CTIF: variants seen among roughly 807,000 people sequenced by gnomAD.
CTIF encodes cap binding complex dependent translation initiation factor, also known as CBP80/20-dependent translation initiation factor.
A neutral mutation model predicts 66.0 loss-of-function variants in CTIF; 21 were observed. That is an observed-to-expected ratio of 0.32 (90% CI 0.23 to 0.46). CTIF has a LOEUF of 0.46. Among genes scored for constraint, CTIF ranks in the 20% least tolerant of loss-of-function variants. CTIF has a pLI of 1.00. For synonymous variants in CTIF, 345 were observed against 326.4 expected (o/e 1.06, Z -0.62); for missense variants, 739 against 812.7 (o/e 0.91, Z 1.10).
intron 1 of CTIF, among the ~76,000 whole-genome samples, chr18:48,588,675 T>C (rs1387822674): frequency 6.6e-6 from 1 of 152,022 alleles, no homozygotes; most frequent in Non-Finnish European, 1.5e-5. Flanking sequence ...TCTTCTGAGG[T>C]CTGGCCTCCT....
chr18:48,720,366 T>C (rs1334252853), intron 7 of CTIF, among the ~76,000 whole-genome samples: 3 of 152,160 alleles, frequency 2.0e-5, no homozygotes, highest in Non-Finnish European at 2.9e-5. Context: ...GATGCCACTG[T>C]TGCTGAGGCC....
intron 9 of CTIF, among the ~76,000 whole-genome samples, chr18:48,784,419 G>A (rs1489914011): frequency 1.3e-5 from 2 of 152,232 alleles, no homozygotes; most frequent in African/African-American, 4.8e-5. Context: ...TGCACTGGGG[G>A]CTGAGGTGGG....
intron 10 of CTIF, among the ~76,000 whole-genome samples, chr18:48,836,277 G>A (rs529132638): frequency 6.6e-6 from 1 of 152,238 alleles, no homozygotes; most frequent in African/African-American, 2.4e-5. Flanking sequence ...GCCCCCTCTT[G>A]AGCACAGCCA....
intron 6 of CTIF, among the ~76,000 whole-genome samples, chr18:48,703,573 T>G (rs1371891604): frequency 1.3e-5 from 2 of 152,220 alleles, no homozygotes; most frequent in Non-Finnish European, 2.9e-5. Context: ...ATAGTTAGGC[T>G]TGGATGATTT....
chr18:48,829,554 G>T (rs1353677285), intron 10 of CTIF, among the ~76,000 whole-genome samples: 2 of 152,248 alleles, frequency 1.3e-5, no homozygotes, highest in African/African-American at 4.8e-5. Context: ...CCCGACCTCC[G>T]TGCTTCCCAG....
chr18:48,592,630 G>T (rs1327229072), intron 1 of CTIF, among the ~76,000 whole-genome samples: 8 of 152,232 alleles, frequency 5.3e-5, no homozygotes, highest in Admixed American at 2.0e-4. Flanking sequence ...CAAGTGCAGT[G>T]AGTGGATTAA....
rs549198253 is a variant in CTIF, at chr18:48,834,255, C to T, written c.1527+16879C>T. Among the ~76,000 whole-genome samples the T allele has an allele frequency of 2.0e-5, 3 of 152,292 alleles. No homozygotes were observed. In the East Asian group the frequency reaches 5.8e-4, roughly 29 times the overall value. On this transcript the variant is annotated intron_variant, in intron 10 of 11. Transcript: ENST00000256413. ...CTGTCTTCATAGCGGAAAAAGCAGC[C>T]GTAGACGATATGCAAATGACTGAGA...
chr18:48,774,191 T>C (rs1910445007), intron 9 of CTIF, among the ~76,000 whole-genome samples: 1 of 152,202 alleles, frequency 6.6e-6, no homozygotes, highest in Non-Finnish European at 1.5e-5. Context: ...AAACCCATGG[T>C]GTGCCCAAAG....
chr18:48,767,942 AGT>A (rs1250062595), intron 9 of CTIF, among the ~76,000 whole-genome samples: 52 of 152,296 alleles, frequency 3.4e-4, no homozygotes, highest in African/African-American at 1.3e-3. Context: ...TTTCCTTATC[AGT>A]GAATCTCTCA....
At position 48,636,693 on chromosome 18, in the gene CTIF, A is replaced by AC; in HGVS notation, c.252+10dup. 1 of 1,589,396 alleles carries AC rather than the reference A, an allele frequency of 6.3e-7. No homozygotes were observed. Among genetic ancestry groups the AC allele is most frequent in the Non-Finnish European group, 8.5e-7 (1 of 1,170,176 alleles). ...CGAGCCCCCCCACAGCAGGTAGGGA[A>AC]CCAGCTCTGCGCTCTGTCTGGGGGT... On this transcript the variant is annotated intron_variant, in intron 3 of 11. Coordinates refer to ENST00000256413, the MANE Select transcript of CTIF (RefSeq NM_014772.3).
At chr18:48,587,868 T>A (rs950225731) in intron 1 of CTIF, among the ~76,000 whole-genome samples, 5 of 152,232 alleles carry the variant, frequency 3.3e-5, no homozygotes, top group Non-Finnish European at 7.3e-5. Flanking sequence ...ATTTATGCTG[T>A]TTTACGTGTG....
chr18:48,804,930 C>T (rs959839981), intron 9 of CTIF, among the ~76,000 whole-genome samples: 12 of 152,198 alleles, frequency 7.9e-5, no homozygotes, highest in African/African-American at 2.9e-4. Context: ...GCCTGGGAAT[C>T]CATTATTTTG....
At chr18:48,712,314 G>T (rs1450988489) in intron 7 of CTIF, among the ~76,000 whole-genome samples, 1 of 152,204 alleles carries the variant, frequency 6.6e-6, no homozygotes, top group African/African-American at 2.4e-5. Flanking sequence ...GGGGCAATGA[G>T]GTAGCCCTGG....
chr18:48,654,188 C>T lies in CTIF; in HGVS notation c.253-9564C>T, dbSNP rs571814262. Reference sequence around the variant, plus strand: ...AGAAACTACCATAAGAGTGAATAGGCAACCTACAGAATGGGAGAAAATTTT... The same window carrying T: ...AGAAACTACCATAAGAGTGAATAGGTAACCTACAGAATGGGAGAAAATTTT... On this transcript the variant is annotated intron_variant, in intron 3 of 11. Coordinates refer to ENST00000256413, the MANE Select transcript of CTIF (RefSeq NM_014772.3). 2.6e-5 allele frequency among the ~76,000 whole-genome samples: 4 copies of T among 152,018 alleles called. 1 individual carries two copies. Among genetic ancestry groups the T allele is most frequent in the Admixed American group, 2.6e-4 (4 of 15,262 alleles).
intron 6 of CTIF, among the ~76,000 whole-genome samples, chr18:48,695,908 C>T (rs987386869): frequency 1.3e-5 from 2 of 152,216 alleles, no homozygotes; most frequent in African/African-American, 4.8e-5. Context: ...TGGGCTGTCT[C>T]CTCCGCATGT....
At chr18:48,604,792 C>A (rs2090173281) in intron 1 of CTIF, among the ~76,000 whole-genome samples, 1 of 152,218 alleles carries the variant, frequency 6.6e-6, no homozygotes. Flanking sequence ...CTGCCTCCTT[C>A]CTGCCTCAGT....
At chr18:48,559,123 C>T (rs1443734236) in intron 1 of CTIF, among the ~76,000 whole-genome samples, 1 of 152,174 alleles carries the variant, frequency 6.6e-6, no homozygotes, top group Non-Finnish European at 1.5e-5. Flanking sequence ...GAAATCAGAA[C>T]TTCTCCTAAC....
chr18:48,729,500 C>T (rs560114038), intron 7 of CTIF, among the ~76,000 whole-genome samples: 9 of 152,276 alleles, frequency 5.9e-5, no homozygotes, highest in African/African-American at 1.4e-4. Flanking sequence ...TCACAGCAGC[C>T]GCCAGTGGTC....
chr18:48,794,073 G>A (rs2067854521), intron 9 of CTIF, among the ~76,000 whole-genome samples: 1 of 151,970 alleles, frequency 6.6e-6, no homozygotes, highest in African/African-American at 2.4e-5. Context: ...GGGATCCTTT[G>A]GGTTTTCTGA....
Sources: allele counts gnomAD v4.1 joint callset (sites outside exome capture counted in the v4.1 genomes callset), GRCh38; gene constraint gnomAD v4.1.1; transcripts MANE v1.5; gene names NCBI Gene and HGNC (gene_info 2026-07-23, HGNC 2026-07-21).